RARB: variants seen among roughly 807,000 people sequenced by gnomAD.
The protein encoded by RARB is retinoic acid receptor beta, also known as HBV-activated protein.
RARB carries 17 observed loss-of-function variants against 51.9 expected under a neutral mutation model. The ratio of observed to expected loss-of-function variants is 0.33; its 90% confidence interval spans 0.22 to 0.49. The LOEUF (loss-of-function observed/expected upper bound fraction) is 0.49. Ranked by LOEUF, RARB falls within the 20% of genes least tolerant of loss-of-function variation. The pLI, the probability that RARB is intolerant of heterozygous loss-of-function variation, is 0.99. For synonymous variants in RARB, 215 were observed against 195.4 expected, an observed-to-expected ratio of 1.10 and a Z score of -0.84; for missense variants, 369 against 550.8, an observed-to-expected ratio of 0.67 and a Z score of 3.30.
At chr3:25,151,825 C>T (rs567781699) in intron 4 of RARB, among the ~76,000 whole-genome samples, 93 of 152,270 alleles carry the variant, frequency 6.1e-4, no homozygotes, top group Non-Finnish European at 9.4e-4. Flanking sequence ...TATGTTAATA[C>T]GGAAAACATA....
intron 2 of RARB, among the ~76,000 whole-genome samples, chr3:24,953,620 A>G (rs1399337097): frequency 6.6e-6 from 1 of 152,234 alleles, no homozygotes; most frequent in Non-Finnish European, 1.5e-5. Flanking sequence ...TAGCTAGATG[A>G]TAGATAGACA....
intron 2 of RARB, among the ~76,000 whole-genome samples, chr3:24,883,104 C>A (rs1050080210): frequency 2.6e-5 from 4 of 152,046 alleles, no homozygotes; most frequent in Non-Finnish European, 4.4e-5. Context: ...AGTTAACCAA[C>A]CCTGGGACCC....
chr3:24,908,402 A>C (rs952539654), intron 2 of RARB, among the ~76,000 whole-genome samples: 2 of 152,212 alleles, frequency 1.3e-5, no homozygotes, highest in Non-Finnish European at 2.9e-5. Context: ...TGCTATGTAC[A>C]TTGAAAGTCA....
chr3:25,392,197 G>GT (rs1332468647), intron 5 of RARB, among the ~76,000 whole-genome samples: 7 of 152,114 alleles, frequency 4.6e-5, no homozygotes, highest in Admixed American at 6.6e-5. Flanking sequence ...TCAATTGGCT[G>GT]TAAGTATTTG....
At chr3:25,469,067 G>C (rs1178567877) in intron 2 of RARB, among the ~76,000 whole-genome samples, 1 of 152,192 alleles carries the variant, frequency 6.6e-6, no homozygotes, top group African/African-American at 2.4e-5. Context: ...AGCCCCCTCA[G>C]TCCCTCAGGG....
chr3:25,328,712 A>C (rs1309382767), intron 5 of RARB, among the ~76,000 whole-genome samples: 1 of 152,192 alleles, frequency 6.6e-6, no homozygotes, highest in Non-Finnish European at 1.5e-5. Context: ...ACATGAGCCA[A>C]AGCAGGGCGG....
At chr3:25,196,138 G>A (rs1480790159) in intron 5 of RARB, among the ~76,000 whole-genome samples, 1 of 151,898 alleles carries the variant, frequency 6.6e-6, no homozygotes, top group Non-Finnish European at 1.5e-5. Context: ...TATTATGTAT[G>A]TATACATGTG....
intron 4 of RARB, among the ~76,000 whole-genome samples, chr3:25,149,322 C>T (rs1308882857): frequency 6.6e-6 from 1 of 152,182 alleles, no homozygotes; most frequent in Non-Finnish European, 1.5e-5. Flanking sequence ...TTCATTCATG[C>T]CTGGTTTGTC....
intron 2 of RARB, among the ~76,000 whole-genome samples, chr3:24,864,224 T>G (rs1702807375): frequency 6.6e-6 from 1 of 152,212 alleles, no homozygotes; most frequent in Non-Finnish European, 1.5e-5. Context: ...CGGCAGGGGC[T>G]GGAACTGTTG....
chr3:25,255,520 C>G (rs1270798686), intron 5 of RARB, among the ~76,000 whole-genome samples: 2 of 152,092 alleles, frequency 1.3e-5, no homozygotes, highest in Non-Finnish European at 2.9e-5. Context: ...CCCTTGGCAA[C>G]TAGAATCTTT....
intron 5 of RARB, among the ~76,000 whole-genome samples, chr3:25,372,047 A>G (rs1706315740): frequency 6.6e-6 from 1 of 152,216 alleles, no homozygotes; most frequent in South Asian, 2.1e-4. Context: ...AGAATGAAAA[A>G]GAGAGGCATA....
At chr3:25,357,182 T>C (rs2125461186) in intron 5 of RARB, among the ~76,000 whole-genome samples, 1 of 152,332 alleles carries the variant, frequency 6.6e-6, no homozygotes, top group Admixed American at 6.5e-5. Context: ...ATCTGTTGTT[T>C]CCTGACTTTT....
At chr3:25,271,557 T>A (rs962919694) in intron 5 of RARB, among the ~76,000 whole-genome samples, 2 of 152,010 alleles carry the variant, frequency 1.3e-5, no homozygotes, top group Non-Finnish European at 2.9e-5. Context: ...TTTGGAAGAG[T>A]TTCCATGGAA....
At chr3:25,360,155 G>A (rs563871684) in intron 5 of RARB, among the ~76,000 whole-genome samples, 1 of 152,126 alleles carries the variant, frequency 6.6e-6, no homozygotes, top group Middle Eastern at 3.2e-3. Context: ...GAATCTGGGT[G>A]CTCCTGTATT....
At chr3:24,967,959 T>G (rs1181507266) in intron 2 of RARB, among the ~76,000 whole-genome samples, 2 of 152,124 alleles carry the variant, frequency 1.3e-5, no homozygotes, top group African/African-American at 2.4e-5. Context: ...CATTAGAGTT[T>G]CCGGAAGCAA....
intron 2 of RARB, among the ~76,000 whole-genome samples, chr3:25,500,968 G>A (rs1194207912): frequency 2.0e-5 from 3 of 152,140 alleles, no homozygotes; most frequent in Non-Finnish European, 2.9e-5. Flanking sequence ...TAATGGTCAT[G>A]TCTAGTTTTG....
chr3:25,108,852 C>T (rs184570043), intron 3 of RARB, among the ~76,000 whole-genome samples: 1 of 152,174 alleles, frequency 6.6e-6, no homozygotes, highest in East Asian at 1.9e-4. Flanking sequence ...GAAAATTAGT[C>T]TCATTGTGTC....
intron 1 of RARB, among the ~76,000 whole-genome samples, chr3:25,431,423 G>A (rs1441027694): frequency 2.0e-5 from 3 of 152,110 alleles, no homozygotes; most frequent in African/African-American, 7.2e-5. Context: ...ATTTGTAGTA[G>A]TGTCTGTGAA....
At chr3:24,933,381 A>C (rs771415555) in intron 2 of RARB, among the ~76,000 whole-genome samples, 2 of 152,124 alleles carry the variant, frequency 1.3e-5, no homozygotes, top group Non-Finnish European at 2.9e-5. Context: ...CAATTTAAAA[A>C]ATTTCCATAG....
Sources: allele counts gnomAD v4.1 joint callset (sites outside exome capture counted in the v4.1 genomes callset), GRCh38; gene constraint gnomAD v4.1.1; transcripts MANE v1.5; gene names NCBI Gene and HGNC (gene_info 2026-07-23, HGNC 2026-07-21).